BIN1: variants seen among roughly 807,000 people sequenced by gnomAD.
BIN1 encodes the protein myc box-dependent-interacting protein 1.
In BIN1, 53 loss-of-function variants were observed where a neutral mutation model predicts 82.0. That is an observed-to-expected ratio of 0.65 (90% CI 0.52 to 0.81). The LOEUF is 0.81. Among genes scored for constraint, BIN1 ranks in the 40% least tolerant of loss-of-function variants. The pLI, the probability that BIN1 is intolerant of heterozygous loss-of-function variation, is 0.00. For missense variants in BIN1, 642 were observed against 784.4 expected (o/e 0.82, Z 2.17); for synonymous variants, 302 against 328.0 (o/e 0.92, Z 0.86).
chr2:127,077,767 G>T (rs1428780309), intron 1 of BIN1, among the ~76,000 whole-genome samples: 4 of 152,200 alleles, frequency 2.6e-5, no homozygotes, highest in Non-Finnish European at 5.9e-5. Flanking sequence ...GGAAGACCAG[G>T]GTGGCGGCGG....
In BIN1 at chr2:127,093,182, G is replaced by A. The variant is rs149234796; in HGVS notation, c.84+13678C>T. Among the ~76,000 whole-genome samples, 260 of 152,228 alleles carry A rather than the reference G, an allele frequency of 1.7e-3. No individual in the cohort carries two copies. The highest frequency in any genetic ancestry group is 6.0e-3 in the African/African-American group (249 of 41,540). On this transcript the variant is annotated intron_variant, in intron 1 of 18. Coordinates refer to ENST00000316724, the MANE Select transcript of BIN1 (RefSeq NM_139343.3). The surrounding 1 kb of genome is among the most constrained non-coding windows in gnomAD (Gnocchi z 5.7). ...AGCCTGGCCCCCACAAGGCCCTGTC[G>A]GGGCTCAGAACACAGCACCCCAAAG... is the stretch of plus-strand genomic sequence containing the variant.
At position 127,048,296 on chromosome 2, in the gene BIN1, G is replaced by C; in HGVS notation, c.*230C>G. On this transcript the variant is annotated 3_prime_UTR_variant, in exon 19 of 19. Transcript: ENST00000316724. ...GGCAGGGGCGCCAGAAACTCAACTA[G>C]AGGACACAGCAGCTTCAGGAACACT... 4 of 541,794 alleles carry C rather than the reference G, an allele frequency of 7.4e-6. No homozygotes were observed. The South Asian group carries it at 8.2e-5, about 11-fold the overall frequency. 33.6% of individuals were successfully genotyped at this position (541,794 alleles called of 1,614,324 possible).
chr2:127,068,138 G>C lies in BIN1; in HGVS notation c.612+25C>G. On this transcript the variant is annotated intron_variant, in intron 7 of 18. Transcript: ENST00000316724. The surrounding 1 kb of genome is among the most constrained non-coding windows in gnomAD (Gnocchi z 4.9). Reference sequence around the variant, plus strand: ...ACGACAGACCGGAAGGCGCCAGCACGTGCAAGGTTAGAAGCCAGTGTCACC... The same window carrying C: ...ACGACAGACCGGAAGGCGCCAGCACCTGCAAGGTTAGAAGCCAGTGTCACC... 1 of 1,606,784 alleles carries C rather than the reference G, an allele frequency of 6.2e-7. No individual in the cohort carries two copies. Among genetic ancestry groups the C allele is most frequent in the Non-Finnish European group, 8.5e-7 (1 of 1,175,554 alleles).
At chr2:127,077,658 G>C (rs1011875954) in intron 1 of BIN1, among the ~76,000 whole-genome samples, 34 of 152,162 alleles carry the variant, frequency 2.2e-4, no homozygotes, top group African/African-American at 8.0e-4. Context: ...AGGAGCGGTG[G>C]TGGGGCACGG....
intron 1 of BIN1, among the ~76,000 whole-genome samples, chr2:127,106,436 C>T (rs1453035047): frequency 3.3e-5 from 5 of 152,250 alleles, no homozygotes; most frequent in Non-Finnish European, 7.3e-5. Flanking sequence ...CATACTCCCT[C>T]TCGCCCCGAG....
At chr2:127,062,335 AG>A in intron 9 of BIN1, 138 bp from the exon 10 acceptor site, 2 of 875,812 alleles carry the variant, frequency 2.3e-6, no homozygotes, top group Non-Finnish European at 3.6e-6. Flanking sequence ...TGTGAGAGCA[AG>A]GAACTAGCAC....
chr2:127,074,286 C>A (rs895817334), intron 2 of BIN1, among the ~76,000 whole-genome samples: 3 of 152,174 alleles, frequency 2.0e-5, no homozygotes, highest in Non-Finnish European at 4.4e-5. Context: ...GGTCCCCACA[C>A]CCTGCCATCC....
In BIN1 at chr2:127,067,934, C is replaced by A. The variant is rs760780256; in HGVS notation, c.612+229G>T. Among the ~76,000 whole-genome samples the A allele has an allele frequency of 6.6e-6, 1 of 152,164 alleles. No homozygotes were observed. Among genetic ancestry groups the A allele is most frequent in the African/African-American group, 2.4e-5 (1 of 41,440 alleles). ...AATGACCACAGATGCAGCCACGGAG[C>A]GGGCATAGCTATGCCCCCACCCAGG... On this transcript the variant is annotated intron_variant, in intron 7 of 18. Coordinates refer to ENST00000316724, the MANE Select transcript of BIN1 (RefSeq NM_139343.3). This position sits in a 1 kb window ranked among gnomAD's most constrained non-coding sequence, Gnocchi z 4.7.
intron 2 of BIN1, among the ~76,000 whole-genome samples, chr2:127,071,141 C>G (rs1303959583): frequency 6.6e-6 from 1 of 152,116 alleles, no homozygotes; most frequent in African/African-American, 2.4e-5. Context: ...AACAGCACAG[C>G]ACCAGTGTGC....
At chr2:127,069,920 G>T in intron 5 of BIN1, 75 bp downstream of exon 5, 1 of 1,489,198 alleles carries the variant, frequency 6.7e-7, no homozygotes, top group South Asian at 1.2e-5. Flanking sequence ...GGCCTGAGCC[G>T]CACGTCCTAG....
Position 127,059,242 on chromosome 2 carries a change from A to T in BIN1, c.858-87T>A, listed in dbSNP as rs1374531833. 10 of 1,341,174 alleles carry T rather than the reference A, an allele frequency of 7.5e-6. No homozygotes were observed. The Admixed American group carries it at 1.8e-4, about 24-fold the overall frequency. 83.1% of individuals were successfully genotyped at this position (1,341,174 alleles called of 1,614,324 possible). On this transcript the variant is annotated intron_variant, in intron 10 of 18. Transcript: ENST00000316724. This position sits in a 1 kb window ranked among gnomAD's most constrained non-coding sequence, Gnocchi z 6.7. The stretch of plus-strand genomic sequence containing the variant: ...GGCAAATGTATTGACGTCTGTGTGA[A>T]GAGGTGTGTGCATATGGAGGTGTGA...
intron 1 of BIN1, among the ~76,000 whole-genome samples, chr2:127,096,891 G>A (rs1424969964): frequency 6.6e-6 from 1 of 152,140 alleles, no homozygotes; most frequent in African/African-American, 2.4e-5. Flanking sequence ...AGCAGCTGTT[G>A]GAAAAAAGGG....
chr2:127,069,494 C>A (rs1685585491), intron 5 of BIN1, among the ~76,000 whole-genome samples: 1 of 152,190 alleles, frequency 6.6e-6, no homozygotes, highest in Admixed American at 6.5e-5. Context: ...TCGGTGGATA[C>A]CAGAGACACT....
chr2:127,060,284 G>C (rs1235949719), intron 10 of BIN1, among the ~76,000 whole-genome samples: 1 of 152,178 alleles, frequency 6.6e-6, no homozygotes, highest in Non-Finnish European at 1.5e-5. Flanking sequence ...CACCTCCCTG[G>C]CCCTCCCCAG....
intron 1 of BIN1, among the ~76,000 whole-genome samples, chr2:127,105,503 T>TCCTCCTCCTCCTCC (rs1480065007): frequency 3.8e-4 from 53 of 137,844 alleles, no homozygotes; most frequent in Non-Finnish European, 5.5e-4. Context: ...CTCCTCCTCC[T>TCCTCCTCCTCCTCC]TCCCTGGGGT....
At chr2:127,085,515 G>A (rs996364814) in intron 1 of BIN1, among the ~76,000 whole-genome samples, 1 of 152,158 alleles carries the variant, frequency 6.6e-6, no homozygotes, top group Non-Finnish European at 1.5e-5. Context: ...CCTGTTCATG[G>A]CCCTCCTGGG....
intron 1 of BIN1, among the ~76,000 whole-genome samples, chr2:127,080,734 G>GA (rs758066137): frequency 6.6e-6 from 1 of 152,150 alleles, no homozygotes; most frequent in Non-Finnish European, 1.5e-5. Context: ...GAGTGGAGCT[G>GA]AAGTGCCTTG....
chr2:127,063,986 C>T lies in BIN1; in HGVS notation c.645G>A (p.Val215=). Residue 215 remains valine (V), a synonymous_variant, in exon 8 of 19, where the codon GTG becomes GTA. Coordinates refer to ENST00000316724, the MANE Select transcript of BIN1 (RefSeq NM_139343.3). Reference sequence around the variant, plus strand: ...GCAGATCCACATTCATCTCCTCAAACACCTTCTGGGCTTTGATGAGCTCCT... The same window carrying T: ...GCAGATCCACATTCATCTCCTCAAATACCTTCTGGGCTTTGATGAGCTCCT... The part of the protein sequence containing the change: ...AEEELIKAQK[V]FEEMNVDLQE... 1 of 1,613,934 alleles carries T rather than the reference C, an allele frequency of 6.2e-7. No homozygotes were observed. Among genetic ancestry groups the T allele is most frequent in the Non-Finnish European group, 8.5e-7 (1 of 1,180,004 alleles).
At chr2:127,071,974 GC>G (rs1393403013) in intron 2 of BIN1, among the ~76,000 whole-genome samples, 1 of 152,174 alleles carries the variant, frequency 6.6e-6, no homozygotes, top group Non-Finnish European at 1.5e-5. Flanking sequence ...AGCGGCAGTG[GC>G]TGAGGCTGAC....
Sources: gnomAD v4.1 joint callset for allele counts (sites outside exome capture counted in the v4.1 genomes callset) on GRCh38, gnomAD v4.1.1 for gene constraint, Gnocchi (gnomAD v3.1) non-coding constraint, MANE v1.5 for transcripts, NCBI Gene and HGNC (gene_info 2026-07-23, HGNC 2026-07-21) for gene names.